The following RBFOX1 variants were observed in gnomAD, a reference collection of about 807,000 sequenced individuals.
The protein encoded by RBFOX1 is RNA binding fox-1 homolog 1.
In RBFOX1, 8 loss-of-function variants were observed where a neutral mutation model predicts 57.7. The ratio of observed to expected loss-of-function variants is 0.14; its 90% confidence interval spans 0.08 to 0.25. The LOEUF (loss-of-function observed/expected upper bound fraction) is 0.25. Among genes scored for constraint, RBFOX1 ranks in the 10% least tolerant of loss-of-function variants. The probability of loss-of-function intolerance (pLI) is 1.00; values close to 1 mark genes in which losing one functional copy is unlikely to be tolerated. For missense variants in RBFOX1, 611 were observed against 548.5 expected, an observed-to-expected ratio of 1.11 and a Z score of -1.14; for synonymous variants, 326 against 222.4, an observed-to-expected ratio of 1.47 and a Z score of -4.15.
At chr16:7,085,437 G>A (rs1319444697) in intron 4 of RBFOX1, among the ~76,000 whole-genome samples, 1 of 152,080 alleles carries the variant, frequency 6.6e-6, no homozygotes, top group Admixed American at 6.5e-5. Context: ...TTTCAAAAAA[G>A]TATCGATATA....
At chr16:7,155,631 C>A (rs17737505) in intron 4 of RBFOX1, among the ~76,000 whole-genome samples, 48 of 138,864 alleles carry the variant, frequency 3.5e-4, no homozygotes, top group Non-Finnish European at 6.4e-4. Flanking sequence ...AGAGAAATAC[C>A]AATATTCCCA....
chr16:5,476,435 G>A lies in RBFOX1; in HGVS notation c.258+9181G>A, dbSNP rs115908460. Among the ~76,000 whole-genome samples the A allele has an allele frequency of 7.5e-4, 114 of 152,222 alleles. 1 individual carries two copies. The highest frequency in any genetic ancestry group is 2.5e-3 in the African/African-American group (104 of 41,548). On this transcript the variant is annotated intron_variant, in intron 2 of 2. Coordinates refer to the RBFOX1 transcript ENST00000585867. ...TTCTCCATTACTCTAGAACACAGTC[G>A]TTCTCCCTACTTAATTGACATAGTT...
At chr16:6,767,548 A>G (rs1404862727) in intron 3 of RBFOX1, among the ~76,000 whole-genome samples, 1 of 152,140 alleles carries the variant, frequency 6.6e-6, no homozygotes. Context: ...AAAAATTCTG[A>G]TGAATACAAT....
chr16:5,843,593 A>G (rs1278358244), intron 3 of RBFOX1, among the ~76,000 whole-genome samples: 3 of 152,180 alleles, frequency 2.0e-5, no homozygotes, highest in African/African-American at 7.2e-5. Context: ...GTTACTGCAC[A>G]TCTGTGTTCA....
chr16:6,737,899 C>T (rs939228906), intron 3 of RBFOX1, among the ~76,000 whole-genome samples: 1 of 152,020 alleles, frequency 6.6e-6, no homozygotes, highest in Admixed American at 6.5e-5. Context: ...AGCCATGAAG[C>T]CTAAGTTACA....
chr16:5,793,042 C>A (rs2054754017), intron 3 of RBFOX1, among the ~76,000 whole-genome samples: 1 of 152,154 alleles, frequency 6.6e-6, no homozygotes, highest in African/African-American at 2.4e-5. Context: ...CAGTTCAAAC[C>A]CACGTTGTGT....
At chr16:7,403,781 G>A (rs1180909761) in intron 4 of RBFOX1, among the ~76,000 whole-genome samples, 2 of 151,934 alleles carry the variant, frequency 1.3e-5, no homozygotes, top group East Asian at 1.9e-4. Flanking sequence ...CCTGACCTCA[G>A]GTGAACCACA....
chr16:6,824,165 G>T (rs1394590909), intron 3 of RBFOX1, among the ~76,000 whole-genome samples: 2 of 152,230 alleles, frequency 1.3e-5, no homozygotes, highest in African/African-American at 2.4e-5. Context: ...AGCACTTTGG[G>T]AGGCCAGGGC....
chr16:6,860,286 G>A (rs72768861), intron 3 of RBFOX1, among the ~76,000 whole-genome samples: 2 of 151,996 alleles, frequency 1.3e-5, no homozygotes, highest in Non-Finnish European at 2.9e-5. Flanking sequence ...ATTATTTAAT[G>A]TCTGATGACT....
At chr16:7,191,909 T>G (rs2085484789) in intron 4 of RBFOX1, among the ~76,000 whole-genome samples, 3 of 152,250 alleles carry the variant, frequency 2.0e-5, no homozygotes, top group Admixed American at 2.0e-4. Context: ...ATGCAAATTC[T>G]ATAATAGGAA....
At chr16:6,214,987 G>A (rs2097325748) in intron 1 of RBFOX1, among the ~76,000 whole-genome samples, 4 of 129,480 alleles carry the variant, frequency 3.1e-5, no homozygotes, top group Admixed American at 1.5e-4. Context: ...AAGGAGAGAG[G>A]AAGAGGGACA....
At chr16:6,333,414 C>T (rs1395981874) in intron 2 of RBFOX1, among the ~76,000 whole-genome samples, 1 of 152,116 alleles carries the variant, frequency 6.6e-6, no homozygotes, top group African/African-American at 2.4e-5. Context: ...TCTGATAGTT[C>T]TGTTGTTTTA....
At chr16:6,653,492 A>G (rs1004756027) in intron 2 of RBFOX1, among the ~76,000 whole-genome samples, 1 of 152,144 alleles carries the variant, frequency 6.6e-6, no homozygotes, top group Non-Finnish European at 1.5e-5. Flanking sequence ...CATTTTGTCT[A>G]ATTAATGAGT....
chr16:7,293,438 G>C (rs1232367173), intron 4 of RBFOX1, among the ~76,000 whole-genome samples: 1 of 152,128 alleles, frequency 6.6e-6, no homozygotes, highest in East Asian at 1.9e-4. Context: ...TTTAAAATGA[G>C]AATCACATCT....
chr16:5,420,188 C>A (rs992493749), intron 1 of RBFOX1, among the ~76,000 whole-genome samples: 16 of 152,162 alleles, frequency 1.1e-4, no homozygotes, highest in African/African-American at 3.4e-4. Context: ...TAATGCAATG[C>A]TGGTTTGGGG....
intron 3 of RBFOX1, among the ~76,000 whole-genome samples, chr16:5,772,622 G>A (rs981023069): frequency 1.3e-5 from 2 of 152,214 alleles, no homozygotes; most frequent in African/African-American, 4.8e-5. Flanking sequence ...TGAGTTGAAA[G>A]GATGGTGGCG....
chr16:6,627,463 T>C (rs1162788558), intron 2 of RBFOX1, among the ~76,000 whole-genome samples: 2 of 152,060 alleles, frequency 1.3e-5, no homozygotes, highest in Non-Finnish European at 2.9e-5. Context: ...TCTATGATGT[T>C]GATTGGGTGA....
At chr16:5,323,633 G>T (rs2064476507) in intron 1 of RBFOX1, among the ~76,000 whole-genome samples, 1 of 152,228 alleles carries the variant, frequency 6.6e-6, no homozygotes, top group Non-Finnish European at 1.5e-5. Flanking sequence ...GCATGGATGT[G>T]CTGGAAGCTC....
rs1261449248 is a variant in RBFOX1 at position 5,390,292 on chromosome 16, T to C, written c.220-76924T>C. ...ATATCGAAAAGTAGTTTTTTTTTTC[T>C]TTTTTTTTTTTTTTTAAAGACAGTG... On this transcript the variant is annotated intron_variant, in intron 1 of 2. Coordinates refer to the RBFOX1 transcript ENST00000585867. Among the ~76,000 whole-genome samples, 80 of 128,516 alleles carry C rather than the reference T, an allele frequency of 6.2e-4. 1 individual carries two copies. The highest frequency in any genetic ancestry group is 2.8e-4 in the Non-Finnish European group (18 of 63,264). 84.3% of individuals were successfully genotyped at this position (128,516 alleles called of 152,430 possible).
Sources: gnomAD v4.1 joint callset for allele counts (sites outside exome capture counted in the v4.1 genomes callset) on GRCh38, gnomAD v4.1.1 for gene constraint, MANE v1.5 for transcripts, NCBI Gene and HGNC (gene_info 2026-07-23, HGNC 2026-07-21) for gene names.